The following RBFOX2 variants were observed in gnomAD, a reference collection of about 807,000 sequenced individuals.
The protein encoded by RBFOX2 is RNA binding fox-1 homolog 2, also known as RNA binding protein fox-1 homolog 2.
RBFOX2 carries 10 observed loss-of-function variants against 49.1 expected under a neutral mutation model. That is an observed-to-expected ratio of 0.20 (90% CI 0.13 to 0.35). The LOEUF (loss-of-function observed/expected upper bound fraction) is 0.35, where lower values mean the gene tolerates loss of function less well. Among genes scored for constraint, RBFOX2 ranks in the 10% least tolerant of loss-of-function variants. RBFOX2 has a pLI of 1.00. For synonymous variants in RBFOX2, 183 were observed against 187.4 expected (o/e 0.98, Z 0.19); for missense variants, 323 against 486.9 (o/e 0.66, Z 3.17).
chr22:35,911,408 G>A (rs572420420), intron 1 of RBFOX2, among the ~76,000 whole-genome samples: 1 of 152,278 alleles, frequency 6.6e-6, no homozygotes, highest in South Asian at 2.1e-4. Context: ...CAATGCATAT[G>A]GGAAATGGAA....
chr22:35,931,856 G>A (rs2052456934), intron 1 of RBFOX2, among the ~76,000 whole-genome samples: 2 of 152,202 alleles, frequency 1.3e-5, no homozygotes, highest in African/African-American at 4.8e-5. Flanking sequence ...CAAACAGGTT[G>A]CAATCCATTA....
intron 2 of RBFOX2, among the ~76,000 whole-genome samples, chr22:35,797,482 G>T (rs1167354838): frequency 6.6e-6 from 1 of 152,198 alleles, no homozygotes; most frequent in Non-Finnish European, 1.5e-5. Flanking sequence ...ATATACTAAT[G>T]TGGGAAATTA....
intron 1 of RBFOX2, among the ~76,000 whole-genome samples, chr22:35,883,008 AT>A (rs776503922): frequency 2.6e-4 from 39 of 152,316 alleles, no homozygotes; most frequent in African/African-American, 9.1e-4. Context: ...AGAGTCACTG[AT>A]CCATACTGAC....
intron 1 of RBFOX2, among the ~76,000 whole-genome samples, chr22:35,859,903 G>A (rs773488608): frequency 6.6e-6 from 1 of 152,000 alleles, no homozygotes; most frequent in Non-Finnish European, 1.5e-5. Context: ...ATATATAAAG[G>A]TTAAGGGGCA....
upstream of RBFOX2, among the ~76,000 whole-genome samples, chr22:35,963,691 T>C (rs1348554884): frequency 6.6e-6 from 1 of 152,198 alleles, no homozygotes; most frequent in Non-Finnish European, 1.5e-5. Context: ...TTTATATGTG[T>C]CATCGCTATT....
At chr22:35,778,857 G>A (rs941942193) in intron 3 of RBFOX2, among the ~76,000 whole-genome samples, 2 of 152,130 alleles carry the variant, frequency 1.3e-5, no homozygotes, top group East Asian at 1.9e-4. Context: ...GGCTGGTCTC[G>A]AACTCCTGAC....
intron 1 of RBFOX2, among the ~76,000 whole-genome samples, chr22:35,976,918 C>T (rs1408888035): frequency 3.3e-5 from 5 of 150,336 alleles, no homozygotes; most frequent in Non-Finnish European, 7.4e-5. Context: ...GAGCCAAGAT[C>T]GCGTCACTGC....
At chr22:35,870,491 A>C (rs147329254) in intron 1 of RBFOX2, among the ~76,000 whole-genome samples, 2 of 152,222 alleles carry the variant, frequency 1.3e-5, no homozygotes, top group Admixed American at 1.3e-4. Flanking sequence ...ATAAACAAAC[A>C]AACAAATAAA....
intron 1 of RBFOX2, among the ~76,000 whole-genome samples, chr22:35,979,564 C>A (rs773587511): frequency 1.3e-5 from 2 of 152,254 alleles, no homozygotes; most frequent in South Asian, 4.1e-4. Context: ...ACCCCACACA[C>A]AAACACACAG....
At chr22:35,832,751 G>A (rs551384536) in intron 1 of RBFOX2, among the ~76,000 whole-genome samples, 1 of 152,274 alleles carries the variant, frequency 6.6e-6, no homozygotes, top group East Asian at 1.9e-4. Flanking sequence ...AGAATCACTT[G>A]AACCCAGGAG....
chr22:35,823,062 C>G (rs1411498723), intron 1 of RBFOX2, among the ~76,000 whole-genome samples: 5 of 152,118 alleles, frequency 3.3e-5, no homozygotes, highest in Non-Finnish European at 5.9e-5. Context: ...CTCAGGTGAT[C>G]CGCCCGCCTC....
At chr22:35,897,089 AGAGTCTTTTATTACTC>A (rs1357535628) in intron 1 of RBFOX2, among the ~76,000 whole-genome samples, 4 of 152,220 alleles carry the variant, frequency 2.6e-5, no homozygotes, top group African/African-American at 9.6e-5. Context: ...AATTCTTTGA[AGAGTCTTTTATTACTC>A]GACACTCATT....
At chr22:35,752,747 T>G (rs1935410571) in intron 9 of RBFOX2, 7 of 586,448 alleles carry the variant, frequency 1.2e-5, no homozygotes, top group Admixed American at 6.4e-5. Context: ...CCACCAGCCT[T>G]TTCTTTCCTT....
chr22:35,910,779 A>G (rs1454298447), intron 1 of RBFOX2, among the ~76,000 whole-genome samples: 2 of 152,204 alleles, frequency 1.3e-5, no homozygotes, highest in African/African-American at 4.8e-5. Context: ...TTTTCTGAGA[A>G]GGTAATCTAT....
intron 1 of RBFOX2, among the ~76,000 whole-genome samples, chr22:36,016,878 A>G (rs957427343): frequency 2.6e-5 from 4 of 152,236 alleles, no homozygotes; most frequent in African/African-American, 9.6e-5. Flanking sequence ...AGGAAGTGAT[A>G]TATTACAGGC....
chr22:35,824,421 A>G (rs915688403), intron 1 of RBFOX2: 1 of 152,180 alleles, frequency 6.6e-6, no homozygotes, highest in Admixed American at 6.5e-5. Flanking sequence ...CCGTTACCCC[A>G]CTGATCTCTA....
chr22:35,792,730 G>C (rs564424847), intron 2 of RBFOX2, among the ~76,000 whole-genome samples: 1 of 152,110 alleles, frequency 6.6e-6, no homozygotes, highest in African/African-American at 2.4e-5. Flanking sequence ...AGCGCAACCT[G>C]ATTTACAGGC....
At chr22:35,770,747 A>G (rs1942428938) in intron 4 of RBFOX2, among the ~76,000 whole-genome samples, 1 of 152,232 alleles carries the variant, frequency 6.6e-6, no homozygotes, top group Admixed American at 6.5e-5. Context: ...GGAAGGTGGT[A>G]TGATGAGCAC....
exon 1 of RBFOX2, among the ~76,000 whole-genome samples, chr22:36,028,583 G>A (rs1178061789): frequency 6.8e-6 from 1 of 147,530 alleles, no homozygotes; most frequent in Admixed American, 6.7e-5. Flanking sequence ...GCCCCTCCGC[G>A]CCTCGCGGCC....
Sources: gnomAD v4.1 joint callset for allele counts (sites outside exome capture counted in the v4.1 genomes callset) on GRCh38, gnomAD v4.1.1 for gene constraint, MANE v1.5 for transcripts, NCBI Gene and HGNC (gene_info 2026-07-23, HGNC 2026-07-21) for gene names.